The following HUNK variants were observed in gnomAD, a reference collection of about 807,000 sequenced individuals.
The protein encoded by HUNK is hormonally up-regulated neu tumor-associated kinase.
HUNK carries 21 observed loss-of-function variants against 61.0 expected under a neutral mutation model. That is an observed-to-expected ratio of 0.34 (90% CI 0.24 to 0.50). The LOEUF (loss-of-function observed/expected upper bound fraction) is 0.50. Among genes scored for constraint, HUNK ranks in the 20% least tolerant of loss-of-function variants. HUNK has a pLI of 0.98. For missense variants in HUNK, 772 were observed against 945.7 expected, an observed-to-expected ratio of 0.82 and a Z score of 2.41; for synonymous variants, 371 against 386.1, an observed-to-expected ratio of 0.96 and a Z score of 0.46.
chr21:31,911,224 C>T (rs917241257), intron 1 of HUNK, among the ~76,000 whole-genome samples: 1 of 152,362 alleles, frequency 6.6e-6, no homozygotes, highest in South Asian at 2.1e-4. Flanking sequence ...GGGACCATCT[C>T]TTCCCTTCTG....
intron 7 of HUNK, among the ~76,000 whole-genome samples, chr21:31,983,295 G>A (rs1364050433): frequency 1.3e-5 from 2 of 152,098 alleles, no homozygotes; most frequent in Non-Finnish European, 2.9e-5. Context: ...GCCCTTTACT[G>A]GCAGCGATAG....
At chr21:31,874,298 G>C (rs2052242036) in intron 1 of HUNK, among the ~76,000 whole-genome samples, 1 of 144,380 alleles carries the variant, frequency 6.9e-6, no homozygotes, top group Non-Finnish European at 1.5e-5. Context: ...GGCGAGGCGG[G>C]AACCAGGGCT....
chr21:31,893,701 A>T (rs1406386717), intron 1 of HUNK, among the ~76,000 whole-genome samples: 1 of 152,150 alleles, frequency 6.6e-6, no homozygotes, highest in Non-Finnish European at 1.5e-5. Flanking sequence ...TTTATAGATG[A>T]TTCTACACGA....
chr21:31,873,761 G>A lies in HUNK; in HGVS notation c.87G>A (p.Ala29=). The A allele has an allele frequency of 2.7e-6, 4 of 1,486,152 alleles. No homozygotes were observed. Among genetic ancestry groups the A allele is most frequent in the Non-Finnish European group, 3.6e-6 (4 of 1,120,218 alleles). The allele number at this position is 1,486,152 out of a possible 1,614,324, so 92.1% of individuals were successfully genotyped here. ...GCGCGGAGGACGCGGCCAGGCCCGC[G>A]GCGGCCTGCGAGGGAAGTTTCCTGC... ...GGGAEDAARP[A]AACEGSFLPA... Residue 29 remains alanine (A), a synonymous_variant, in exon 1 of 11, where the codon GCG becomes GCA. Coordinates refer to ENST00000270112, the MANE Select transcript of HUNK (RefSeq NM_014586.2). This position sits in a 1 kb window ranked among gnomAD's most constrained non-coding sequence, Gnocchi z 6.1.
intron 1 of HUNK, among the ~76,000 whole-genome samples, chr21:31,901,376 C>T (rs1418753359): frequency 6.6e-6 from 1 of 152,152 alleles, no homozygotes; most frequent in South Asian, 2.1e-4. Flanking sequence ...TACTGTCCCC[C>T]TCTAGGCCCT....
intron 1 of HUNK, among the ~76,000 whole-genome samples, chr21:31,911,957 G>A (rs1433079421): frequency 2.6e-5 from 4 of 152,124 alleles, no homozygotes; most frequent in African/African-American, 9.7e-5. Context: ...GGCTCAGCGC[G>A]GATCCTAAAT....
intron 2 of HUNK, among the ~76,000 whole-genome samples, chr21:31,932,422 T>C (rs1278818668): frequency 6.6e-6 from 1 of 152,018 alleles, no homozygotes; most frequent in Non-Finnish European, 1.5e-5. Flanking sequence ...TTGAAAGAGA[T>C]GCAAGGAGAG....
chr21:31,917,691 AACAT>A (rs1225592359), intron 1 of HUNK, among the ~76,000 whole-genome samples: 1,651 of 54,580 alleles, frequency 0.03, 39 homozygotes, highest in Middle Eastern at 0.051. Context: ...CCCATTCCCA[AACAT>A]ACACACACAC....
intron 1 of HUNK, among the ~76,000 whole-genome samples, chr21:31,897,545 C>T (rs1026169250): frequency 6.6e-6 from 1 of 152,184 alleles, no homozygotes; most frequent in South Asian, 2.1e-4. Context: ...TAGGGCCCAC[C>T]ATAATGACCT....
At chr21:31,974,518 G>C (rs1039863127) in intron 6 of HUNK, 37 bp from the exon 7 acceptor site, 3 of 1,593,032 alleles carry the variant, frequency 1.9e-6, no homozygotes, top group Non-Finnish European at 2.6e-6. Context: ...TCCGTGAAGT[G>C]CAGGGGTGAC....
Position 31,890,772 on chromosome 21 carries a change from G to A in HUNK, c.261+16837G>A, listed in dbSNP as rs551930156. Among the ~76,000 whole-genome samples, 3 of 152,304 alleles carry A rather than the reference G, an allele frequency of 2.0e-5. No homozygotes were observed. In the East Asian group the frequency reaches 5.8e-4, roughly 29 times the overall value. On this transcript the variant is annotated intron_variant, in intron 1 of 10. Coordinates refer to ENST00000270112, the MANE Select transcript of HUNK (RefSeq NM_014586.2). ...GCACTTCAGAAAGGTTGTACCAAGT[G>A]ACACAACAGATATGAAAGTGACTTT...
rs1395478359 is a variant in HUNK at position 31,998,721 on chromosome 21, C to T, written c.1682C>T (p.Ser561Phe). Residue 561 changes from serine to phenylalanine, a missense_variant, in exon 11 of 11, where the codon TCC (serine) becomes TTC (phenylalanine). Transcript: ENST00000270112. ...CCCCTGATGCTGGACATGGTGCGCT[C>T]CTTCGAGTCTGTGGATCGCGACGAC... ...EDPLMLDMVRSFESVDRDDHV... is the reference protein window; with the variant it reads ...EDPLMLDMVRFFESVDRDDHV... 2.5e-6 allele frequency: 4 copies of T among 1,614,040 alleles called. No homozygotes were observed. Among genetic ancestry groups the T allele is most frequent in the African/African-American group, 1.3e-5 (1 of 74,928 alleles).
At chr21:31,996,828 C>T (rs2053209217) in intron 10 of HUNK, among the ~76,000 whole-genome samples, 1 of 152,210 alleles carries the variant, frequency 6.6e-6, no homozygotes, top group Admixed American at 6.5e-5. Context: ...CTTCTATCTC[C>T]CATGCTGCTC....
intron 7 of HUNK, among the ~76,000 whole-genome samples, chr21:31,979,735 T>G (rs2053081134): frequency 6.6e-6 from 1 of 151,804 alleles, no homozygotes; most frequent in Admixed American, 6.6e-5. Flanking sequence ...CAGGATGGTC[T>G]CAATCTCCTG....
At chr21:31,874,564 C>G (rs1204522201) in intron 1 of HUNK, among the ~76,000 whole-genome samples, 1 of 152,034 alleles carries the variant, frequency 6.6e-6, no homozygotes, top group African/African-American at 2.4e-5. Context: ...GTGCTCCTCT[C>G]TATCCACTCA....
chr21:31,900,146 TC>T, intron 1 of HUNK, among the ~76,000 whole-genome samples: 1 of 152,178 alleles, frequency 6.6e-6, no homozygotes, highest in East Asian at 1.9e-4. Context: ...TCGTTCATTC[TC>T]CCCATCCCCT....
chr21:31,969,515 C>T (rs1193736938), intron 6 of HUNK, among the ~76,000 whole-genome samples: 1 of 152,110 alleles, frequency 6.6e-6, no homozygotes, highest in Non-Finnish European at 1.5e-5. Context: ...CTGTGCAGCC[C>T]ACGCTTCTCC....
chr21:31,971,233 G>A (rs1271471674), intron 6 of HUNK, among the ~76,000 whole-genome samples: 1 of 151,844 alleles, frequency 6.6e-6, no homozygotes, highest in East Asian at 1.9e-4. Flanking sequence ...CACCACGCCC[G>A]GCTAGTTTTT....
At position 31,873,687 on chromosome 21, in the gene HUNK, G is replaced by C; in HGVS notation, c.13G>C (p.Ala5Pro). The C allele has an allele frequency of 1.9e-6, 2 of 1,054,008 alleles. No homozygotes were observed. The highest frequency in any genetic ancestry group is 1.1e-6 in the Non-Finnish European group (1 of 874,774). The allele number at this position is 1,054,008 out of a possible 1,614,324, so 65.3% of individuals were successfully genotyped here. The change falls in exon 1 of 11, where the codon GCG becomes CCG. Residue 5 changes from alanine to proline, a missense_variant. This residue lies in a region of HUNK where 359 missense variants were observed against 501.3 expected (regional missense o/e 0.72). Transcript: ENST00000270112. This position sits in a 1 kb window ranked among gnomAD's most constrained non-coding sequence, Gnocchi z 6.1. ...CGCGGCGAGCGCGATGCCGGCGGCG[G>C]CGGGGGACGGGCTCCTGGGGGAGCC... MPAA[A>P]GDGLLGEPAA...
Sources: gnomAD v4.1 joint callset for allele counts (sites outside exome capture counted in the v4.1 genomes callset) on GRCh38, gnomAD v4.1.1 for gene constraint, gnomAD v4.1.1 regional missense constraint, Gnocchi (gnomAD v3.1) non-coding constraint, MANE v1.5 for transcripts, NCBI Gene and HGNC (gene_info 2026-07-23, HGNC 2026-07-21) for gene names.